TRIM26: variants seen among roughly 807,000 people sequenced by gnomAD.
The protein encoded by TRIM26 is tripartite motif containing 26, also known as tripartite motif-containing protein 26.
A neutral mutation model predicts 45.5 loss-of-function variants in TRIM26; 16 were observed. The observed-to-expected ratio is 0.35, with a 90% confidence interval of 0.24 to 0.53. TRIM26 has a LOEUF of 0.53. TRIM26 is among the 20% of genes least tolerant of loss of function. TRIM26 has a pLI of 0.92. For missense variants in TRIM26, 442 were observed against 691.1 expected (o/e 0.64, Z 4.04); for synonymous variants, 273 against 290.4 (o/e 0.94, Z 0.61).
Position 30,190,237 on chromosome 6 carries a change from C to T in TRIM26, c.766-202G>A, listed in dbSNP as rs181503445. ...AAAATCGGCACAATGACAGAAGCCA[C>T]AATGGCTGGGAGATGACATGGGCAA... is the stretch of plus-strand genomic sequence containing the variant. On this transcript the variant is annotated intron_variant, in intron 6 of 9. Transcript: ENST00000454678. This position sits in a 1 kb window ranked among gnomAD's most constrained non-coding sequence, Gnocchi z 4.3. 5.4e-4 allele frequency: 342 copies of T among 627,990 alleles called. 4 individuals are homozygous for T. The highest frequency in any genetic ancestry group is 8.6e-4 in the Admixed American group (32 of 37,366). The allele number at this position is 627,990 out of a possible 1,614,324, so 38.9% of individuals were successfully genotyped here. A position where few individuals can be genotyped will look rare whatever the true frequency, so the allele number is the denominator to read the frequency against.
In TRIM26 at chr6:30,186,306, T is replaced by G. The variant is rs778460932; in HGVS notation, c.1190A>C (p.Glu397Ala). The change falls in exon 10 of 10, where the codon GAG (glutamate) becomes GCG (alanine). Residue 397 changes from glutamate (E) to alanine (A), a missense_variant. Coordinates refer to ENST00000454678, the MANE Select transcript of TRIM26 (RefSeq NM_003449.5). This position sits in a 1 kb window ranked among gnomAD's most constrained non-coding sequence, Gnocchi z 7.4. ...DEEEEGEEEEEEEEAGYGDGY... is the reference protein window; with the variant it reads ...DEEEEGEEEEAEEEAGYGDGY... ...ATCCCCATAGCCGGCCTCCTCTTCCTCCTCCTCCTCTTCTCCCTCTTCCTC... is the reference window on the plus strand; with the variant it reads ...ATCCCCATAGCCGGCCTCCTCTTCCGCCTCCTCCTCTTCTCCCTCTTCCTC... 9.1e-5 allele frequency: 147 copies of G among 1,610,050 alleles called. 1 individual carries two copies. Among genetic ancestry groups the G allele is most frequent in the Non-Finnish European group, 1.2e-4 (141 of 1,177,506 alleles).
In TRIM26 at chr6:30,193,617, G is replaced by A. The variant is rs142637941; in HGVS notation, c.765+2899C>T. On this transcript the variant is annotated intron_variant, in intron 6 of 9. Transcript: ENST00000454678. ...TCTATTTTTCTGAAGAATGTCATTC[G>A]TATTTTGATAACAGGGATTGTATTA... is the stretch of plus-strand genomic sequence containing the variant. Among the ~76,000 whole-genome samples, 669 of 152,082 alleles carry A rather than the reference G, an allele frequency of 4.4e-3. 2 individuals are homozygous for A. The highest frequency in any genetic ancestry group is 0.011 in the African/African-American group (466 of 41,474).
chr6:30,194,302 A>G (rs1776242964), intron 6 of TRIM26, among the ~76,000 whole-genome samples: 1 of 143,040 alleles, frequency 7.0e-6, no homozygotes, highest in African/African-American at 2.5e-5. Context: ...TAATGATTAG[A>G]GGTTGGGAAG....
chr6:30,203,798 C>T (rs904529387), intron 2 of TRIM26, among the ~76,000 whole-genome samples: 5 of 144,492 alleles, frequency 3.5e-5, no homozygotes, highest in Middle Eastern at 3.6e-3. Context: ...TGGTTCCTTT[C>T]TTTTTTTTTT....
At chr6:30,200,008 A>C (rs11758243) in intron 3 of TRIM26, among the ~76,000 whole-genome samples, 7,517 of 152,068 alleles carry the variant, frequency 0.049, 450 homozygotes, top group African/African-American at 0.14. Flanking sequence ...GACATGGCTC[A>C]CCCTGTAAAT....
Position 30,189,154 on chromosome 6 carries a change from T to C in TRIM26, c.937+13A>G. The C allele has an allele frequency of 6.2e-7, 1 of 1,612,230 alleles. No individual in the cohort carries two copies. Among genetic ancestry groups the C allele is most frequent in the South Asian group, 1.1e-5 (1 of 91,002 alleles). On this transcript the variant is annotated intron_variant, in intron 9 of 9. Transcript: ENST00000454678. The surrounding 1 kb of genome is among the most constrained non-coding windows in gnomAD (Gnocchi z 5.0). ...TTTGATGTACATCTGGGAAACACCC[T>C]CTAGACACTCACCTGTCTTATATTC...
At chr6:30,206,007 G>T (rs2127529961) in intron 1 of TRIM26, among the ~76,000 whole-genome samples, 1 of 152,304 alleles carries the variant, frequency 6.6e-6, no homozygotes, top group East Asian at 1.9e-4. Context: ...GCATATGTCT[G>T]GACCTCCAAA....
intron 6 of TRIM26, among the ~76,000 whole-genome samples, chr6:30,193,158 G>GTATATA (rs1359857328): frequency 0.012 from 362 of 31,008 alleles, 13 homozygotes; most frequent in East Asian, 0.017. Flanking sequence ...GTGTGTGTGT[G>GTATATA]TGTGTATATA....
At chr6:30,188,573 G>T in intron 9 of TRIM26, 2 of 237,010 alleles carry the variant, frequency 8.4e-6, no homozygotes, top group South Asian at 8.0e-5. Context: ...TTTATCCTGT[G>T]AACTAGATGA....
rs367765842 is a variant in TRIM26, at chr6:30,196,719, T to C, written c.562A>G (p.Ile188Val). The C allele has an allele frequency of 6.9e-5, 111 of 1,614,228 alleles. No individual in the cohort carries two copies. Among genetic ancestry groups the C allele is most frequent in the Middle Eastern group, 4.9e-4 (3 of 6,062 alleles). ...TGACCCTGCTCAAACTCAGCCACAA[T>C]GTACTGCCTCTGGTCCTGGAGCTTC... ...LKKLQDQRQY[I>V]VAEFEQGHQF... Residue 188 changes from isoleucine to valine, a missense_variant, in exon 6 of 10, where the codon ATT (isoleucine) becomes GTT (valine). Ile to Val is a conservative substitution (Grantham distance 29). Transcript: ENST00000454678. The surrounding 1 kb of genome is among the most constrained non-coding windows in gnomAD (Gnocchi z 4.9).
At chr6:30,194,852 C>T (rs1300593961) in intron 6 of TRIM26, among the ~76,000 whole-genome samples, 2 of 152,102 alleles carry the variant, frequency 1.3e-5, no homozygotes, top group South Asian at 2.1e-4. Context: ...GCTGAGATCA[C>T]GCCACTGCAC....
At chr6:30,202,895 A>T (rs931749965) in intron 2 of TRIM26, among the ~76,000 whole-genome samples, 2 of 152,208 alleles carry the variant, frequency 1.3e-5, no homozygotes, top group Admixed American at 1.3e-4. Flanking sequence ...TTTACAGACT[A>T]AAGAGAAATA....
At chr6:30,187,534 G>A (rs951028438) in intron 9 of TRIM26, 20 of 507,234 alleles carry the variant, frequency 3.9e-5, no homozygotes, top group African/African-American at 3.5e-4. Flanking sequence ...TATTCAGTCC[G>A]ACATCTTTGA....
intron 9 of TRIM26, chr6:30,187,530 G>A: frequency 2.0e-6 from 1 of 510,586 alleles, no homozygotes; most frequent in Non-Finnish European, 4.0e-6. Flanking sequence ...GTCATATTCA[G>A]TCCGACATCT....
chr6:30,210,358 C>CA, intron 1 of TRIM26, among the ~76,000 whole-genome samples: 1 of 152,310 alleles, frequency 6.6e-6, no homozygotes, highest in Non-Finnish European at 1.5e-5. Flanking sequence ...CTTCACTCCC[C>CA]ACTCTCCACC....
Position 30,213,380 on chromosome 6 carries a change from C to T in TRIM26, c.-451G>A, listed in dbSNP as rs868615811. On this transcript the variant is annotated 5_prime_UTR_variant, in exon 1 of 10. Transcript: ENST00000454678. ...CGGCGGTCTGTTCCGGGTCCCGCTC[C>T]TGCACGAGCAACCAGCGCGACAGCT... is the stretch of plus-strand genomic sequence containing the variant. The T allele has an allele frequency of 2.6e-5, 4 of 152,340 alleles. No individual in the cohort carries two copies. Among genetic ancestry groups the T allele is most frequent in the Non-Finnish European group, 5.9e-5 (4 of 68,104 alleles). The allele number at this position is 152,340 out of a possible 1,614,324, so 9.4% of individuals were successfully genotyped here.
chr6:30,206,294 C>G (rs887394523), intron 1 of TRIM26, among the ~76,000 whole-genome samples: 1 of 152,230 alleles, frequency 6.6e-6, no homozygotes, highest in South Asian at 2.1e-4. Flanking sequence ...CCCAGGAGAT[C>G]CCAGTGACTG....
chr6:30,204,217 T>C (rs1445558356), intron 2 of TRIM26, among the ~76,000 whole-genome samples: 1 of 152,198 alleles, frequency 6.6e-6, no homozygotes, highest in Non-Finnish European at 1.5e-5. Flanking sequence ...CAAGAGCACA[T>C]GGCTAGGAAG....
chr6:30,186,051 G>A lies in TRIM26; in HGVS notation c.1445C>T (p.Pro482Leu), dbSNP rs1398758638. 1.2e-6 allele frequency: 2 copies of A among 1,602,978 alleles called. No homozygotes were observed. Among genetic ancestry groups the A allele is most frequent in the East Asian group, 2.3e-5 (1 of 44,348 alleles). The part of the protein sequence containing the change: ...ANTSPEAELF[P>L]ALRPRRVGIA... ...GCCCACTCTCCGGGGCCGCAGTGCT[G>A]GGAAAAGCTCAGCCTCGGGGCTGGT... Residue 482 changes from proline (P) to leucine (L), a missense_variant, in exon 10 of 10, where the codon CCA becomes CTA. Transcript: ENST00000454678. The surrounding 1 kb of genome is among the most constrained non-coding windows in gnomAD (Gnocchi z 7.4).
Sources: gnomAD v4.1 joint callset for allele counts (sites outside exome capture counted in the v4.1 genomes callset) on GRCh38, gnomAD v4.1.1 for gene constraint, Gnocchi (gnomAD v3.1) non-coding constraint, MANE v1.5 for transcripts, NCBI Gene and HGNC (gene_info 2026-07-23, HGNC 2026-07-21) for gene names.